Variants in NTM observed in about 807,000 individuals in gnomAD.
The protein encoded by NTM is IgLON family member 2.
Under a neutral mutation model 42.1 loss-of-function variants are expected in NTM, and 13 were observed. The ratio of observed to expected loss-of-function variants is 0.31; its 90% CI spans 0.20 to 0.49. NTM has a LOEUF of 0.49. Ranked by LOEUF, NTM falls within the 20% of genes least tolerant of loss-of-function variation. The pLI is 0.99. For synonymous variants in NTM, 187 were observed against 179.2 expected (o/e 1.04, Z -0.35); for missense variants, 373 against 452.8 (o/e 0.82, Z 1.60).
At chr11:132,164,380 G>A (rs942760183) in intron 3 of NTM, among the ~76,000 whole-genome samples, 30 of 152,180 alleles carry the variant, frequency 2.0e-4, no homozygotes, top group African/African-American at 7.0e-4. Flanking sequence ...TGTGTGGAAA[G>A]GACCATCCAT....
At chr11:132,093,187 C>T (rs536465968) in intron 2 of NTM, among the ~76,000 whole-genome samples, 1 of 152,296 alleles carries the variant, frequency 6.6e-6, no homozygotes, top group Admixed American at 6.5e-5. Context: ...TTCACCTATT[C>T]ACTCTGTACC....
At chr11:131,859,580 G>T (rs991390326) in intron 1 of NTM, among the ~76,000 whole-genome samples, 1 of 152,110 alleles carries the variant, frequency 6.6e-6, no homozygotes, top group Non-Finnish European at 1.5e-5. Context: ...TACTCGAGTG[G>T]GATCTTGGTT....
chr11:132,191,039 T>C (rs764674465), intron 3 of NTM, among the ~76,000 whole-genome samples: 1 of 152,004 alleles, frequency 6.6e-6, no homozygotes, highest in Non-Finnish European at 1.5e-5. Context: ...AGACCACAGA[T>C]GTAGTAAGAG....
At chr11:131,451,517 C>G (rs183184684) in intron 1 of NTM, among the ~76,000 whole-genome samples, 253 of 152,180 alleles carry the variant, frequency 1.7e-3, no homozygotes, top group Admixed American at 4.4e-3. Context: ...GGGTCCCATG[C>G]AGGAACTGCT....
At position 132,335,208 on chromosome 11, in the gene NTM, A is replaced by G. The variant is rs1592113050; in HGVS notation, c.*62A>G. Reference sequence around the variant, plus strand: ...CCACCACCACCACCAACACAACAGCAATGGCAACACCGACAGCAACCAATC... The same window carrying G: ...CCACCACCACCACCAACACAACAGCGATGGCAACACCGACAGCAACCAATC... On this transcript the variant is annotated 3_prime_UTR_variant, in exon 9 of 9. Coordinates refer to ENST00000683400, the MANE Select transcript of NTM (RefSeq NM_001352005.2). The G allele has an allele frequency of 1.3e-6, 2 of 1,570,208 alleles. No homozygotes were observed. The highest frequency in any genetic ancestry group is 2.7e-5 in the African/African-American group (2 of 74,330).
intron 1 of NTM, among the ~76,000 whole-genome samples, chr11:131,906,363 C>T (rs750204312): frequency 1.3e-5 from 2 of 152,082 alleles, no homozygotes; most frequent in Admixed American, 6.5e-5. Flanking sequence ...GGAGTTCTGA[C>T]TTCTAGTCTG....
chr11:131,928,279 A>C (rs937790584), intron 2 of NTM, among the ~76,000 whole-genome samples: 1 of 152,224 alleles, frequency 6.6e-6, no homozygotes, highest in African/African-American at 2.4e-5. Context: ...AGTATTTTTA[A>C]TAATTACATT....
chr11:131,728,126 G>A (rs1042796865), intron 1 of NTM, among the ~76,000 whole-genome samples: 4 of 151,466 alleles, frequency 2.6e-5, no homozygotes, highest in African/African-American at 9.8e-5. Flanking sequence ...CAACAAGCAA[G>A]CAACCAATTG....
Position 132,305,262 on chromosome 11 carries a change from A to T in NTM, c.527-2427A>T, listed in dbSNP as rs115724822. ...AAACAGATGCATGAACTTTAGCTGGAGAGCACAAGAGATCCAGAGAACCTC... is the reference window on the plus strand; with the variant it reads ...AAACAGATGCATGAACTTTAGCTGGTGAGCACAAGAGATCCAGAGAACCTC... On this transcript the variant is annotated intron_variant, in intron 4 of 8. Coordinates refer to ENST00000683400, the MANE Select transcript of NTM (RefSeq NM_001352005.2). 5.2e-3 allele frequency among the ~76,000 whole-genome samples: 794 copies of T among 152,292 alleles called. 10 individuals carry two copies. Among genetic ancestry groups the T allele is most frequent in the African/African-American group, 0.018 (768 of 41,556 alleles).
intron 4 of NTM, among the ~76,000 whole-genome samples, chr11:132,287,080 C>T (rs2094271061): frequency 2.0e-5 from 3 of 152,174 alleles, no homozygotes; most frequent in African/African-American, 7.2e-5. Flanking sequence ...TTTGAGACCC[C>T]TCAGGCTGTC....
At chr11:131,474,806 C>T (rs866579738) in intron 1 of NTM, among the ~76,000 whole-genome samples, 3 of 152,228 alleles carry the variant, frequency 2.0e-5, no homozygotes, top group Non-Finnish European at 4.4e-5. Flanking sequence ...ATTCTCCTTA[C>T]GCCACCCAAA....
rs143223991 is a variant in NTM at position 131,581,311 on chromosome 11, G to A, written c.82+210423G>A. On this transcript the variant is annotated intron_variant, in intron 1 of 8. Transcript: ENST00000683400. ...GTTCTTTTCCTCGGTCCCCAGGGAGGCATGGACCACAAGATATTACTGAAG... is the reference window on the plus strand; with the variant it reads ...GTTCTTTTCCTCGGTCCCCAGGGAGACATGGACCACAAGATATTACTGAAG... Among the ~76,000 whole-genome samples, 91 of 152,306 alleles carry A rather than the reference G, an allele frequency of 6.0e-4. No individual in the cohort carries two copies. The East Asian group carries it at 0.015, about 25-fold the overall frequency.
At chr11:131,685,249 C>T (rs540749114) in intron 1 of NTM, among the ~76,000 whole-genome samples, 47 of 150,044 alleles carry the variant, frequency 3.1e-4, no homozygotes, top group African/African-American at 1.2e-3. Flanking sequence ...CCCAGTCAGT[C>T]CTTCCTGATG....
chr11:132,054,338 A>C (rs2079289948), intron 2 of NTM, among the ~76,000 whole-genome samples: 1 of 152,254 alleles, frequency 6.6e-6, no homozygotes, highest in African/African-American at 2.4e-5. Context: ...ACTCAGGATT[A>C]GCACCTTAGA....
intron 1 of NTM, among the ~76,000 whole-genome samples, chr11:131,614,364 A>G (rs1487289233): frequency 6.6e-6 from 1 of 152,174 alleles, no homozygotes; most frequent in Non-Finnish European, 1.5e-5. Flanking sequence ...ATGGAGACCC[A>G]CCCTGGCTGC....
chr11:132,237,774 C>T (rs2089330986), intron 4 of NTM, among the ~76,000 whole-genome samples: 1 of 152,138 alleles, frequency 6.6e-6, no homozygotes, highest in African/African-American at 2.4e-5. Flanking sequence ...GAAATCTGGG[C>T]GCGCAGAGAG....
chr11:131,705,827 G>GA (rs1267875668), intron 1 of NTM, among the ~76,000 whole-genome samples: 1 of 151,864 alleles, frequency 6.6e-6, no homozygotes, highest in Non-Finnish European at 1.5e-5. Context: ...TAACCACAAA[G>GA]AAAAAACCTG....
chr11:131,859,955 C>A (rs968375993), intron 1 of NTM, among the ~76,000 whole-genome samples: 4 of 152,060 alleles, frequency 2.6e-5, no homozygotes, highest in African/African-American at 9.7e-5. Flanking sequence ...CCCCACTCCC[C>A]CTTTGTCTGG....
chr11:132,018,338 A>G (rs2073775609), intron 2 of NTM, among the ~76,000 whole-genome samples: 1 of 151,952 alleles, frequency 6.6e-6, no homozygotes, highest in Admixed American at 6.6e-5. Flanking sequence ...GTCTTTCATC[A>G]TTGTTGTATG....
Sources: gnomAD v4.1 joint callset for allele counts (sites outside exome capture counted in the v4.1 genomes callset) on GRCh38, gnomAD v4.1.1 for gene constraint, MANE v1.5 for transcripts, NCBI Gene and HGNC (gene_info 2026-07-23, HGNC 2026-07-21) for gene names.